RAP1GAP2: variants seen among roughly 807,000 people sequenced by gnomAD.
RAP1GAP2 encodes rap1 GTPase-activating protein 2.
RAP1GAP2 carries 27 observed loss-of-function variants against 95.0 expected under a neutral mutation model. The observed-to-expected ratio is 0.28, with a 90% CI of 0.21 to 0.39. The LOEUF is 0.39. Among genes scored for constraint, RAP1GAP2 ranks in the 10% least tolerant of loss-of-function variants. RAP1GAP2 has a pLI of 1.00. For missense variants in RAP1GAP2, 771 were observed against 970.0 expected (o/e 0.79, Z 2.72); for synonymous variants, 373 against 380.9 (o/e 0.98, Z 0.24).
At chr17:3,024,912 A>C (rs2047058600) in intron 19 of RAP1GAP2, among the ~76,000 whole-genome samples, 1 of 152,198 alleles carries the variant, frequency 6.6e-6, no homozygotes, top group Admixed American at 6.5e-5. Flanking sequence ...AGGACTAGGA[A>C]GTGATTACAA....
At chr17:2,806,573 T>G (rs929225549) in intron 2 of RAP1GAP2, among the ~76,000 whole-genome samples, 1 of 151,094 alleles carries the variant, frequency 6.6e-6, no homozygotes, top group African/African-American at 2.4e-5. Flanking sequence ...TTGTATTTTT[T>G]TTTAGTAGAG....
intron 9 of RAP1GAP2, among the ~76,000 whole-genome samples, chr17:2,980,703 A>G (rs1013275439): frequency 3.9e-5 from 6 of 152,112 alleles, no homozygotes; most frequent in Non-Finnish European, 8.8e-5. Flanking sequence ...ACTTCCGTGG[A>G]GGGGTGAGGG....
intron 2 of RAP1GAP2, among the ~76,000 whole-genome samples, chr17:2,860,722 G>C (rs1236309571): frequency 6.9e-6 from 1 of 145,356 alleles, no homozygotes; most frequent in Non-Finnish European, 1.5e-5. Flanking sequence ...TCCTGCCTCA[G>C]TCTCCCAAGT....
At chr17:2,813,144 T>C (rs2069846709) in intron 2 of RAP1GAP2, among the ~76,000 whole-genome samples, 1 of 150,700 alleles carries the variant, frequency 6.6e-6, no homozygotes, top group African/African-American at 2.4e-5. Flanking sequence ...CAATCTTGGC[T>C]CACTGCAACC....
At chr17:2,844,952 G>A (rs1318185813) in intron 2 of RAP1GAP2, among the ~76,000 whole-genome samples, 1 of 152,166 alleles carries the variant, frequency 6.6e-6, no homozygotes, top group East Asian at 1.9e-4. Flanking sequence ...CGTGTGAGCT[G>A]GCAACCAACC....
intron 2 of RAP1GAP2, among the ~76,000 whole-genome samples, chr17:2,807,848 G>GGGCC: frequency 6.6e-6 from 1 of 152,260 alleles, no homozygotes; most frequent in Non-Finnish European, 1.5e-5. Flanking sequence ...TCGAGTCTGA[G>GGGCC]AGCCCCTCTG....
intron 3 of RAP1GAP2, among the ~76,000 whole-genome samples, chr17:2,950,520 C>T (rs2043880895): frequency 6.6e-6 from 1 of 152,044 alleles, no homozygotes; most frequent in South Asian, 2.1e-4. Context: ...GCATTCACTG[C>T]AGACCAGACC....
intron 1 of RAP1GAP2, among the ~76,000 whole-genome samples, chr17:2,769,122 C>T (rs894189156): frequency 6.6e-6 from 1 of 151,442 alleles, no homozygotes; most frequent in African/African-American, 2.4e-5. Context: ...GTCCTAGCTA[C>T]TCAAGATACC....
At chr17:2,805,619 C>A (rs1342337894) in intron 2 of RAP1GAP2, among the ~76,000 whole-genome samples, 3 of 152,060 alleles carry the variant, frequency 2.0e-5, no homozygotes, top group Non-Finnish European at 2.9e-5. Context: ...GTGATCCACC[C>A]ACCTCAGCCT....
At chr17:2,833,963 G>A (rs997826931) in intron 2 of RAP1GAP2, among the ~76,000 whole-genome samples, 69 of 152,258 alleles carry the variant, frequency 4.5e-4, no homozygotes, top group African/African-American at 1.6e-3. Flanking sequence ...GAGCAGCTCT[G>A]GCTGTGTCCT....
At chr17:2,907,274 C>G (rs938660428) in intron 3 of RAP1GAP2, among the ~76,000 whole-genome samples, 5 of 152,062 alleles carry the variant, frequency 3.3e-5, no homozygotes, top group Admixed American at 2.6e-4. Flanking sequence ...AGGGGTAGGT[C>G]CTAGAGGGAA....
chr17:2,960,196 C>T (rs749104592), intron 4 of RAP1GAP2, among the ~76,000 whole-genome samples: 66 of 151,774 alleles, frequency 4.3e-4, no homozygotes, highest in African/African-American at 6.1e-4. Flanking sequence ...GAGAGGGCCC[C>T]GTGCTGGGCA....
chr17:2,969,179 C>CTATCTATA (rs1555581850), intron 8 of RAP1GAP2, among the ~76,000 whole-genome samples: 216 of 143,222 alleles, frequency 1.5e-3, no homozygotes, highest in African/African-American at 5.1e-3. Flanking sequence ...ATCTATCTAT[C>CTATCTATA]TATATATATA....
intron 17 of RAP1GAP2, among the ~76,000 whole-genome samples, chr17:3,010,201 G>C (rs1272205154): frequency 6.6e-6 from 1 of 151,888 alleles, no homozygotes; most frequent in East Asian, 1.9e-4. Context: ...TTAGCCGGGC[G>C]TGGTGACGTG....
At position 3,032,462 on chromosome 17, in the gene RAP1GAP2, A is replaced by C; in HGVS notation, c.*30+13A>C. 1.2e-6 allele frequency: 2 copies of C among 1,612,442 alleles called. No individual in the cohort carries two copies. Among genetic ancestry groups the C allele is most frequent in the Non-Finnish European group, 1.7e-6 (2 of 1,178,554 alleles). ...TCGCCTGTCCAAGGTGGGTTGAGTG[A>C]ATGTCCTGCTGTGGCCGTGAGGGGG... On this transcript the variant is annotated intron_variant, in intron 24 of 24. Coordinates refer to ENST00000254695, the MANE Select transcript of RAP1GAP2 (RefSeq NM_015085.5).
chr17:2,769,371 C>T (rs898453113), intron 1 of RAP1GAP2, among the ~76,000 whole-genome samples: 46 of 148,834 alleles, frequency 3.1e-4, no homozygotes, highest in African/African-American at 5.4e-4. Flanking sequence ...CTGGCTAACA[C>T]GGTGAAACCC....
chr17:2,786,936 C>T (rs1230433174), intron 1 of RAP1GAP2, among the ~76,000 whole-genome samples: 4 of 138,364 alleles, frequency 2.9e-5, no homozygotes, highest in Non-Finnish European at 4.6e-5. Context: ...CGTGAGCCAT[C>T]GCTCCCAGCC....
intron 2 of RAP1GAP2, among the ~76,000 whole-genome samples, chr17:2,847,211 G>A (rs539577977): frequency 1.3e-5 from 2 of 152,162 alleles, no homozygotes; most frequent in Non-Finnish European, 2.9e-5. Flanking sequence ...GTTTCACCAT[G>A]TTGGCCAGAC....
chr17:2,807,189 C>T (rs1391247978), intron 2 of RAP1GAP2, among the ~76,000 whole-genome samples: 1 of 152,216 alleles, frequency 6.6e-6, no homozygotes, highest in Non-Finnish European at 1.5e-5. Flanking sequence ...GGGCCACCGC[C>T]TCCGGCCGTT....
Sources: gnomAD v4.1 joint callset for allele counts (sites outside exome capture counted in the v4.1 genomes callset) on GRCh38, gnomAD v4.1.1 for gene constraint, MANE v1.5 for transcripts, NCBI Gene and HGNC (gene_info 2026-07-23, HGNC 2026-07-21) for gene names.